Variants in HECW1 observed in about 807,000 individuals in gnomAD.
The protein encoded by HECW1 is E3 ubiquitin-protein ligase HECW1.
HECW1 carries 61 observed loss-of-function variants against 182.3 expected under a neutral mutation model. The ratio of observed to expected loss-of-function variants is 0.33; its 90% CI spans 0.27 to 0.41. The LOEUF (loss-of-function observed/expected upper bound fraction) is 0.41, where lower values mean the gene tolerates loss of function less well. Among genes scored for constraint, HECW1 ranks in the 10% least tolerant of loss-of-function variants. HECW1 has a pLI of 1.00. For missense variants in HECW1, 1,739 were observed against 2,108.9 expected (o/e 0.82, Z 3.44); for synonymous variants, 859 against 832.6 (o/e 1.03, Z -0.55).
At chr7:43,168,828 A>G (rs1215102325) in intron 2 of HECW1, among the ~76,000 whole-genome samples, 3 of 152,214 alleles carry the variant, frequency 2.0e-5, no homozygotes, top group African/African-American at 7.2e-5. Flanking sequence ...AATTAGCACT[A>G]TGCATGTTAA....
chr7:43,523,690 A>G (rs2080625955), intron 24 of HECW1, among the ~76,000 whole-genome samples: 1 of 152,170 alleles, frequency 6.6e-6, no homozygotes, highest in Non-Finnish European at 1.5e-5. Context: ...AGGGAAATAA[A>G]TGGCAAGTGT....
chr7:43,206,255 A>C (rs1000639601), intron 2 of HECW1, among the ~76,000 whole-genome samples: 2 of 152,168 alleles, frequency 1.3e-5, no homozygotes, highest in African/African-American at 4.8e-5. Flanking sequence ...GACACCAGGA[A>C]CGCGGCAGCT....
intron 2 of HECW1, among the ~76,000 whole-genome samples, chr7:43,205,012 C>A (rs1795332324): frequency 6.6e-6 from 1 of 152,074 alleles, no homozygotes; most frequent in Non-Finnish European, 1.5e-5. Context: ...TATATAATTG[C>A]AAGCTTTCTA....
intron 2 of HECW1, among the ~76,000 whole-genome samples, chr7:43,153,120 G>T (rs1583713542): frequency 1.3e-5 from 2 of 151,966 alleles, no homozygotes; most frequent in Admixed American, 1.3e-4. Flanking sequence ...GAATTGGCTT[G>T]TTTCCTGTTG....
chr7:43,253,023 C>A (rs986444891), intron 3 of HECW1, among the ~76,000 whole-genome samples: 2 of 152,002 alleles, frequency 1.3e-5, no homozygotes, highest in African/African-American at 4.8e-5. Flanking sequence ...CAGTCATTTG[C>A]AAGTCTGTCT....
chr7:43,340,790 C>A (rs1194274745), intron 5 of HECW1, among the ~76,000 whole-genome samples: 1 of 151,576 alleles, frequency 6.6e-6, no homozygotes, highest in African/African-American at 2.4e-5. Flanking sequence ...ACCATTTGAT[C>A]CCCTGATCCC....
chr7:43,164,679 T>C (rs1316143848), intron 2 of HECW1, among the ~76,000 whole-genome samples: 3 of 152,182 alleles, frequency 2.0e-5, no homozygotes, highest in Admixed American at 1.3e-4. Context: ...TGGACTGGAC[T>C]TTCCTTTTGG....
intron 19 of HECW1, among the ~76,000 whole-genome samples, chr7:43,496,947 A>T (rs2152921906): frequency 6.6e-6 from 1 of 152,366 alleles, no homozygotes; most frequent in Non-Finnish European, 1.5e-5. Flanking sequence ...CAAGCGAAAC[A>T]GACCTGTAAA....
At chr7:43,278,080 G>A (rs543927088) in intron 3 of HECW1, among the ~76,000 whole-genome samples, 3 of 151,880 alleles carry the variant, frequency 2.0e-5, no homozygotes, top group South Asian at 2.1e-4. Flanking sequence ...ATATTGGCAG[G>A]TGACCCCCAA....
chr7:43,258,647 G>C (rs1042887920), intron 3 of HECW1: 1 of 152,200 alleles, frequency 6.6e-6, no homozygotes, highest in Non-Finnish European at 1.5e-5. Flanking sequence ...GCCCAGCAAA[G>C]CTAGAAATCC....
chr7:43,130,722 TG>T lies in HECW1; in HGVS notation c.-32+16333del, dbSNP rs533330040. Among the ~76,000 whole-genome samples, 126 of 152,234 alleles carry T rather than the reference TG, an allele frequency of 8.3e-4. 1 individual carries two copies. Among genetic ancestry groups the T allele is most frequent in the Non-Finnish European group, 1.5e-3 (105 of 68,046 alleles). On this transcript the variant is annotated intron_variant, in intron 2 of 29. Transcript: ENST00000395891. ...ATCAGCAGGCTGGATCAATTGTGTG[TG>T]GTGCACATGAATTTTGACTGTGACC...
At chr7:43,225,664 A>G (rs998984262) in intron 2 of HECW1, among the ~76,000 whole-genome samples, 1 of 152,250 alleles carries the variant, frequency 6.6e-6, no homozygotes, top group Non-Finnish European at 1.5e-5. Flanking sequence ...TAAAATTATG[A>G]TTATGAAACT....
At chr7:43,553,847 C>T (rs1303492557) in intron 28 of HECW1, among the ~76,000 whole-genome samples, 1 of 152,156 alleles carries the variant, frequency 6.6e-6, no homozygotes, top group Non-Finnish European at 1.5e-5. Context: ...CCTCCTTCTT[C>T]CCTCCACTTG....
intron 16 of HECW1, among the ~76,000 whole-genome samples, chr7:43,472,083 C>CAA (rs1414198341): frequency 1.3e-5 from 2 of 151,960 alleles, no homozygotes; most frequent in Non-Finnish European, 2.9e-5. Context: ...TTTAAGATTG[C>CAA]AGGGAAAAGC....
chr7:43,421,724 G>A (rs964908219), intron 8 of HECW1, among the ~76,000 whole-genome samples: 4 of 152,184 alleles, frequency 2.6e-5, no homozygotes, highest in Non-Finnish European at 4.4e-5. Flanking sequence ...AGTATGGTGT[G>A]ATACCACTGC....
At chr7:43,316,036 G>C (rs1488421293) in intron 4 of HECW1, among the ~76,000 whole-genome samples, 1 of 152,044 alleles carries the variant, frequency 6.6e-6, no homozygotes, top group Non-Finnish European at 1.5e-5. Flanking sequence ...TTCTATTATA[G>C]ATTATGGCAT....
chr7:43,360,839 C>A, intron 5 of HECW1, 47 bp from the exon 6 acceptor site: 1 of 1,415,900 alleles, frequency 7.1e-7, no homozygotes, highest in South Asian at 1.1e-5. Flanking sequence ...CTGTCTCTCC[C>A]TGGGTTACAC....
chr7:43,295,386 G>A (rs1805914972), intron 3 of HECW1, among the ~76,000 whole-genome samples: 3 of 152,292 alleles, frequency 2.0e-5, no homozygotes, highest in Non-Finnish European at 4.4e-5. Context: ...ACAATTCCCA[G>A]CATGAATTTT....
chr7:43,120,240 G>GCCAGGTACAAA (rs2152602191), intron 2 of HECW1, among the ~76,000 whole-genome samples: 1 of 152,238 alleles, frequency 6.6e-6, no homozygotes, highest in East Asian at 1.9e-4. Flanking sequence ...TACAAATACT[G>GCCAGGTACAAA]TTCCCTTGAC....
Sources: gnomAD v4.1 joint callset for allele counts (sites outside exome capture counted in the v4.1 genomes callset) on GRCh38, gnomAD v4.1.1 for gene constraint, MANE v1.5 for transcripts, NCBI Gene and HGNC (gene_info 2026-07-23, HGNC 2026-07-21) for gene names.